Variants in GPR158 observed in about 807,000 individuals in gnomAD.
The protein encoded by GPR158 is G protein-coupled receptor 158.
In GPR158, 30 loss-of-function variants were observed where a neutral mutation model predicts 78.2. The observed-to-expected ratio is 0.38, with a 90% CI of 0.29 to 0.52. The LOEUF is 0.52. GPR158 is among the 20% of genes least tolerant of loss of function. The probability of loss-of-function intolerance (pLI) is 0.83; values close to 1 mark genes in which losing one functional copy is unlikely to be tolerated. For missense variants in GPR158, 1,463 were observed against 1,523.5 expected, an observed-to-expected ratio of 0.96 and a Z score of 0.66; for synonymous variants, 581 against 591.1, an observed-to-expected ratio of 0.98 and a Z score of 0.25.
At chr10:25,185,431 C>G (rs1852669393) in intron 1 of GPR158, among the ~76,000 whole-genome samples, 1 of 152,140 alleles carries the variant, frequency 6.6e-6, no homozygotes. Context: ...AAAAGAACAT[C>G]TGACTAAATA....
intron 5 of GPR158, among the ~76,000 whole-genome samples, chr10:25,499,855 G>A (rs1239045225): frequency 2.0e-5 from 3 of 152,148 alleles, no homozygotes; most frequent in East Asian, 1.9e-4. Flanking sequence ...GTGTGCCTGC[G>A]TCACTGTGGG....
At chr10:25,530,599 AAAAC>A (rs1293923532) in intron 5 of GPR158, among the ~76,000 whole-genome samples, 2 of 152,252 alleles carry the variant, frequency 1.3e-5, no homozygotes, top group Non-Finnish European at 1.5e-5. Flanking sequence ...AAAGACATGT[AAAAC>A]AAACAAAGCT....
intron 2 of GPR158, among the ~76,000 whole-genome samples, chr10:25,347,526 AC>A (rs1429370949): frequency 3.3e-5 from 5 of 152,128 alleles, no homozygotes; most frequent in African/African-American, 1.2e-4. Context: ...GGTAAGTCTA[AC>A]ATCATCATTA....
In GPR158 at chr10:25,421,897, G is replaced by C. The variant is rs568361346; in HGVS notation, c.1335+9424G>C. On this transcript the variant is annotated intron_variant, in intron 4 of 10. Coordinates refer to ENST00000376351, the MANE Select transcript of GPR158 (RefSeq NM_020752.3). ...GCAAAACAATTCTCTAATGTTTTTT[G>C]ATTCTCACCACATTTAAGGAAATTG... Among the ~76,000 whole-genome samples, 5 of 152,020 alleles carry C rather than the reference G, an allele frequency of 3.3e-5. No homozygotes were observed. In the East Asian group the frequency reaches 7.7e-4, roughly 23 times the overall value.
chr10:25,572,942 A>G, intron 7 of GPR158, 55 bp downstream of exon 7: 1 of 1,022,120 alleles, frequency 9.8e-7, no homozygotes, highest in Non-Finnish European at 1.6e-6. Flanking sequence ...TAGCATTACA[A>G]CTGACTTCTT....
chr10:25,193,115 T>C (rs868594525), intron 1 of GPR158, among the ~76,000 whole-genome samples: 2 of 152,338 alleles, frequency 1.3e-5, no homozygotes, highest in African/African-American at 4.8e-5. Context: ...TGCACCTGGC[T>C]ATGGCTACAG....
intron 1 of GPR158, among the ~76,000 whole-genome samples, chr10:25,201,549 T>G (rs1245732842): frequency 6.6e-6 from 1 of 152,108 alleles, no homozygotes; most frequent in Non-Finnish European, 1.5e-5. Flanking sequence ...AATAGCAGTG[T>G]TGTGAGTGGG....
At chr10:25,499,462 A>T (rs561437656) in intron 5 of GPR158, among the ~76,000 whole-genome samples, 1 of 152,310 alleles carries the variant, frequency 6.6e-6, no homozygotes, top group South Asian at 2.1e-4. Context: ...CTCTGTGAAG[A>T]TCACATGTTT....
At chr10:25,384,649 T>C (rs911310731) in intron 2 of GPR158, among the ~76,000 whole-genome samples, 1 of 152,120 alleles carries the variant, frequency 6.6e-6, no homozygotes, top group Non-Finnish European at 1.5e-5. Flanking sequence ...TCCAAGTTAG[T>C]TTTTTTCAGA....
At chr10:25,216,069 C>T (rs937489156) in intron 1 of GPR158, among the ~76,000 whole-genome samples, 1 of 152,184 alleles carries the variant, frequency 6.6e-6, no homozygotes, top group African/African-American at 2.4e-5. Flanking sequence ...AACAAATTCC[C>T]CTTTCATTAA....
intron 4 of GPR158, among the ~76,000 whole-genome samples, chr10:25,439,838 T>C (rs2130587315): frequency 6.6e-6 from 1 of 152,354 alleles, no homozygotes. Context: ...CAATTGTGTC[T>C]ACAAAATTTT....
At chr10:25,536,690 G>A (rs990023458) in intron 5 of GPR158, among the ~76,000 whole-genome samples, 10 of 152,160 alleles carry the variant, frequency 6.6e-5, no homozygotes, top group Admixed American at 1.3e-4. Context: ...CATATTTTAG[G>A]AGATGATTCA....
intron 2 of GPR158, among the ~76,000 whole-genome samples, chr10:25,314,862 C>CATATATATATATAT (rs67847605): frequency 7.9e-4 from 88 of 111,354 alleles, no homozygotes; most frequent in African/African-American, 4.0e-3. Context: ...CACACACTGT[C>CATATATATATATAT]ATATATATAT....
chr10:25,426,912 G>A lies in GPR158; in HGVS notation c.1335+14439G>A, dbSNP rs534465593. 5.9e-5 allele frequency among the ~76,000 whole-genome samples: 9 copies of A among 152,174 alleles called. No individual in the cohort carries two copies. The South Asian group carries it at 1.5e-3, about 25-fold the overall frequency. On this transcript the variant is annotated intron_variant, in intron 4 of 10. Coordinates refer to ENST00000376351, the MANE Select transcript of GPR158 (RefSeq NM_020752.3). ...AAGCTCGATAAAATGATGTATGCTA[G>A]TATGAGTTTTACTTACCACAGTTTC...
intron 5 of GPR158, among the ~76,000 whole-genome samples, chr10:25,522,254 A>T (rs1311802303): frequency 3.3e-5 from 5 of 152,144 alleles, no homozygotes; most frequent in Non-Finnish European, 7.4e-5. Flanking sequence ...AAATATTTAG[A>T]TCCACGTTTT....
chr10:25,335,780 T>C (rs931743463), intron 2 of GPR158, among the ~76,000 whole-genome samples: 1 of 152,076 alleles, frequency 6.6e-6, no homozygotes, highest in African/African-American at 2.4e-5. Context: ...AAACAAATCC[T>C]TGATATGCAC....
intron 2 of GPR158, among the ~76,000 whole-genome samples, chr10:25,290,113 T>G (rs1259070504): frequency 6.6e-6 from 1 of 152,186 alleles, no homozygotes; most frequent in Non-Finnish European, 1.5e-5. Context: ...GATGGTAGGA[T>G]TGACTAGCAT....
chr10:25,201,616 G>A lies in GPR158; in HGVS notation c.903-19436G>A, dbSNP rs1235575397. Among the ~76,000 whole-genome samples, 6 of 151,894 alleles carry A rather than the reference G, an allele frequency of 4.0e-5. No individual in the cohort carries two copies. The East Asian group carries it at 7.7e-4, about 20-fold the overall frequency. On this transcript the variant is annotated intron_variant, in intron 1 of 10. Coordinates refer to ENST00000376351, the MANE Select transcript of GPR158 (RefSeq NM_020752.3). ...CCAGTTTTTGCCTATTCAGTATGTC[G>A]GCTGTGTCATACATGGCACTTATTT... is the stretch of plus-strand genomic sequence containing the variant.
rs1164482042 is a variant in GPR158 at position 25,492,855 on chromosome 10, A to G, written c.1404+26136A>G. Among the ~76,000 whole-genome samples the G allele has an allele frequency of 4.7e-5, 7 of 148,640 alleles. No homozygotes were observed. The Admixed American group carries it at 4.7e-4, about 10-fold the overall frequency. ...TGATACTAATTATATGTATTTTAAT[A>G]TTTTAATATTAATATATAATTGATA... On this transcript the variant is annotated intron_variant, in intron 5 of 10. Transcript: ENST00000376351.
Sources: allele counts gnomAD v4.1 joint callset (sites outside exome capture counted in the v4.1 genomes callset), GRCh38; gene constraint gnomAD v4.1.1; transcripts MANE v1.5; gene names NCBI Gene and HGNC (gene_info 2026-07-23, HGNC 2026-07-21).